The following ZBTB20 variants were observed in gnomAD, a reference collection of about 807,000 sequenced individuals.
The protein encoded by ZBTB20 is zinc finger and BTB domain containing 20, also known as zinc finger and BTB domain-containing protein 20.
In ZBTB20, 9 loss-of-function variants were observed where a neutral mutation model predicts 56.9. The observed-to-expected ratio is 0.16, with a 90% CI of 0.10 to 0.28. ZBTB20 has a LOEUF of 0.28. Ranked by LOEUF, ZBTB20 falls within the 10% of genes least tolerant of loss-of-function variation. ZBTB20 has a pLI of 1.00. For missense variants in ZBTB20, 655 were observed against 1,003.0 expected (o/e 0.65, Z 4.69); for synonymous variants, 417 against 420.7 (o/e 0.99, Z 0.11).
rs774459441 is a variant in ZBTB20, at chr3:114,350,816, G to A, written c.1262C>T (p.Pro421Leu). ...QAAEAPAEGG[P>L]QTNQLETGAS... is the part of the protein sequence containing the mutation. ...ACCTGTTTCTAGCTGGTTTGTCTGC[G>A]GACCACCCTCAGCGGGGGCTTCTGC... The change falls in exon 11 of 12, where the codon CCG (proline) becomes CTG (leucine). Residue 421 changes from proline (P) to leucine (L), a missense_variant. Transcript: ENST00000675478. 1 of 1,613,618 alleles carries A rather than the reference G, an allele frequency of 6.2e-7. No individual in the cohort carries two copies. Among genetic ancestry groups the A allele is most frequent in the South Asian group, 1.1e-5 (1 of 91,080 alleles).
chr3:114,640,284 G>A (rs1406565011), intron 6 of ZBTB20, among the ~76,000 whole-genome samples: 2 of 152,056 alleles, frequency 1.3e-5, no homozygotes, highest in Non-Finnish European at 2.9e-5. Context: ...TACAGGGACA[G>A]GGCGGGGTGA....
chr3:114,547,234 GC>G (rs1404410722), intron 6 of ZBTB20, among the ~76,000 whole-genome samples: 1 of 152,072 alleles, frequency 6.6e-6, no homozygotes, highest in African/African-American at 2.4e-5. Context: ...AAAATCCAAG[GC>G]CAAGAAATGA....
intron 6 of ZBTB20, among the ~76,000 whole-genome samples, chr3:114,506,018 T>C (rs1197893371): frequency 1.3e-5 from 2 of 152,152 alleles, no homozygotes; most frequent in African/African-American, 4.8e-5. Context: ...ATACAGAACC[T>C]GTGCCATCAC....
intron 1 of ZBTB20, among the ~76,000 whole-genome samples, chr3:115,071,880 G>A (rs938395781): frequency 2.0e-5 from 3 of 152,108 alleles, no homozygotes; most frequent in Non-Finnish European, 4.4e-5. Context: ...ATCACACAAA[G>A]GGATGAAAGA....
At chr3:114,414,318 T>C (rs904904439) in intron 7 of ZBTB20, among the ~76,000 whole-genome samples, 1 of 152,094 alleles carries the variant, frequency 6.6e-6, no homozygotes, top group Non-Finnish European at 1.5e-5. Flanking sequence ...CTTTGGTGAC[T>C]CTAATGTTGA....
intron 5 of ZBTB20, among the ~76,000 whole-genome samples, chr3:114,694,325 C>G (rs192822782): frequency 2.4e-4 from 37 of 152,114 alleles, no homozygotes; most frequent in African/African-American, 7.7e-4. Flanking sequence ...TAAAAAACTG[C>G]TCATCTAACA....
chr3:114,461,396 G>A (rs2092325522), intron 7 of ZBTB20, among the ~76,000 whole-genome samples: 1 of 150,838 alleles, frequency 6.6e-6, no homozygotes. Context: ...TCAACCACCT[G>A]AGCTCAAGGA....
At chr3:114,788,885 CG>C (rs2070744586) in intron 5 of ZBTB20, among the ~76,000 whole-genome samples, 2 of 152,056 alleles carry the variant, frequency 1.3e-5, no homozygotes, top group Non-Finnish European at 2.9e-5. Flanking sequence ...TGGAGGCAGG[CG>C]AGAGAGTGTG....
chr3:114,968,062 T>A (rs1486609029), intron 3 of ZBTB20, among the ~76,000 whole-genome samples: 1 of 152,126 alleles, frequency 6.6e-6, no homozygotes, highest in African/African-American at 2.4e-5. Context: ...TATATATGTA[T>A]ACCAATGTAC....
chr3:114,733,571 C>A (rs1364630395), intron 5 of ZBTB20, among the ~76,000 whole-genome samples: 2 of 152,176 alleles, frequency 1.3e-5, no homozygotes, highest in Non-Finnish European at 2.9e-5. Flanking sequence ...CCTGTCTACA[C>A]TAGCATTTAA....
chr3:114,503,843 A>C (rs960552525), intron 6 of ZBTB20, among the ~76,000 whole-genome samples: 4 of 152,204 alleles, frequency 2.6e-5, no homozygotes, highest in East Asian at 1.9e-4. Flanking sequence ...TTATAACTTT[A>C]AAGTCAATTC....
chr3:114,944,193 A>G lies in ZBTB20; in HGVS notation c.-456+30173T>C, dbSNP rs536767838. Among the ~76,000 whole-genome samples the G allele has an allele frequency of 2.1e-4, 30 of 145,734 alleles. No homozygotes were observed. The South Asian group carries it at 5.5e-3, about 27-fold the overall frequency. On this transcript the variant is annotated intron_variant, in intron 3 of 11. Transcript: ENST00000675478. The stretch of plus-strand genomic sequence containing the variant: ...AAAGATCTGAACACACATTTCTCAG[A>G]AGAAGACATAAAAATGGTCAACAGA...
intron 3 of ZBTB20, among the ~76,000 whole-genome samples, chr3:114,921,829 G>A (rs968764425): frequency 2.4e-4 from 36 of 151,976 alleles, no homozygotes; most frequent in African/African-American, 8.7e-4. Context: ...AAACCTGCAC[G>A]TTGTGCACAT....
chr3:114,869,310 T>C (rs1469078652), intron 4 of ZBTB20, among the ~76,000 whole-genome samples: 2 of 152,154 alleles, frequency 1.3e-5, no homozygotes, highest in African/African-American at 4.8e-5. Flanking sequence ...TTGTGGTAGT[T>C]TTTCATTCCC....
At chr3:114,869,649 A>C (rs962564391) in intron 4 of ZBTB20, among the ~76,000 whole-genome samples, 4 of 152,170 alleles carry the variant, frequency 2.6e-5, no homozygotes, top group Non-Finnish European at 5.9e-5. Flanking sequence ...TCAAAAAACA[A>C]GCCTATTTCC....
chr3:114,431,564 T>C (rs1337710101), intron 7 of ZBTB20, among the ~76,000 whole-genome samples: 4 of 152,212 alleles, frequency 2.6e-5, no homozygotes, highest in Non-Finnish European at 4.4e-5. Context: ...TAGTCTTTCA[T>C]TGACACTTGA....
chr3:114,576,586 A>C (rs531451509), intron 6 of ZBTB20, among the ~76,000 whole-genome samples: 86 of 147,580 alleles, frequency 5.8e-4, no homozygotes, highest in Admixed American at 1.9e-3. Flanking sequence ...AAAAATAATA[A>C]ATTGAGTGAT....
At chr3:114,683,845 C>T (rs1294661400) in intron 6 of ZBTB20, among the ~76,000 whole-genome samples, 1 of 152,016 alleles carries the variant, frequency 6.6e-6, no homozygotes, top group Non-Finnish European at 1.5e-5. Context: ...GGGACCATGA[C>T]AGCACTGCCT....
intron 1 of ZBTB20, among the ~76,000 whole-genome samples, chr3:115,106,683 C>G (rs2083732750): frequency 6.6e-6 from 1 of 152,106 alleles, no homozygotes; most frequent in Admixed American, 6.5e-5. Flanking sequence ...AAATTTAAAA[C>G]TAAAATAAAG....
Sources: gnomAD v4.1 joint callset for allele counts (sites outside exome capture counted in the v4.1 genomes callset) on GRCh38, gnomAD v4.1.1 for gene constraint, MANE v1.5 for transcripts, NCBI Gene and HGNC (gene_info 2026-07-23, HGNC 2026-07-21) for gene names.